The following BBS9 variants were observed in gnomAD, a reference collection of about 807,000 sequenced individuals.
The protein encoded by BBS9 is Bardet-Biedl syndrome 9.
In BBS9, 89 loss-of-function variants were observed where a neutral mutation model predicts 117.7. The observed-to-expected ratio is 0.76, with a 90% CI of 0.64 to 0.90. The LOEUF (loss-of-function observed/expected upper bound fraction) is 0.90, where lower values mean the gene tolerates loss of function less well. Ranked by LOEUF, BBS9 falls within the 40% of genes least tolerant of loss-of-function variation. The pLI is 0.00. For missense variants in BBS9, 982 were observed against 1,042.2 expected, an observed-to-expected ratio of 0.94 and a Z score of 0.80; for synonymous variants, 379 against 370.9, an observed-to-expected ratio of 1.02 and a Z score of -0.25.
intron 5 of BBS9, chr7:33,177,881 T>G (rs1223316754): frequency 2.2e-5 from 7 of 320,728 alleles, no homozygotes. Flanking sequence ...TTGGAAGTCT[T>G]TGATTTTTAT....
chr7:33,470,881 A>G (rs941744627), intron 19 of BBS9, among the ~76,000 whole-genome samples: 2 of 152,122 alleles, frequency 1.3e-5, no homozygotes, highest in Non-Finnish European at 2.9e-5. Context: ...ATAGATGATG[A>G]GTTTTGAGTA....
chr7:33,515,432 G>C (rs566857899), intron 20 of BBS9, among the ~76,000 whole-genome samples: 30 of 152,218 alleles, frequency 2.0e-4, no homozygotes, highest in African/African-American at 6.0e-4. Flanking sequence ...GGCATTTCTT[G>C]GGTGTGCCAC....
Position 33,504,057 on chromosome 7 carries a change from A to G in BBS9, c.2116-1406A>G, listed in dbSNP as rs530567123. Reference sequence around the variant, plus strand: ...CTTCCCACTAATTGGCTGTGTATGTATGTTTTCTTTCCAACAAATTATAAG... The same window carrying G: ...CTTCCCACTAATTGGCTGTGTATGTGTGTTTTCTTTCCAACAAATTATAAG... On this transcript the variant is annotated intron_variant, in intron 19 of 22. Coordinates refer to ENST00000242067, the MANE Select transcript of BBS9 (RefSeq NM_198428.3). Among the ~76,000 whole-genome samples the G allele has an allele frequency of 3.3e-5, 5 of 152,296 alleles. No homozygotes were observed. In the East Asian group the frequency reaches 9.6e-4, roughly 29 times the overall value.
intron 5 of BBS9, among the ~76,000 whole-genome samples, chr7:33,206,708 C>T (rs1043726524): frequency 6.6e-5 from 10 of 152,042 alleles, no homozygotes; most frequent in African/African-American, 1.9e-4. Flanking sequence ...TGATATATAA[C>T]ATTTTTATCT....
At chr7:33,208,373 G>A (rs558272209) in intron 5 of BBS9, among the ~76,000 whole-genome samples, 424 of 152,182 alleles carry the variant, frequency 2.8e-3, no homozygotes, top group Non-Finnish European at 5.1e-3. Flanking sequence ...CTAAGTATTC[G>A]TGTTCCCAGA....
At position 33,171,177 on chromosome 7, in the gene BBS9, G is replaced by A. The variant is rs564512193; in HGVS notation, c.329-6301G>A. On this transcript the variant is annotated intron_variant, in intron 4 of 22. Transcript: ENST00000242067. ...CCCAAGCCAGAAGAACAAAGCTGGAGGCATCACACTACCTGACTTCAAACT... is the reference window on the plus strand; with the variant it reads ...CCCAAGCCAGAAGAACAAAGCTGGAAGCATCACACTACCTGACTTCAAACT... Among the ~76,000 whole-genome samples, 11 of 152,254 alleles carry A rather than the reference G, an allele frequency of 7.2e-5. No homozygotes were observed. The South Asian group carries it at 2.3e-3, about 32-fold the overall frequency.
intron 19 of BBS9, among the ~76,000 whole-genome samples, chr7:33,398,408 G>C (rs1483564693): frequency 6.6e-6 from 1 of 152,132 alleles, no homozygotes; most frequent in Non-Finnish European, 1.5e-5. Context: ...TAACTGAATG[G>C]TATGCTTGAG....
chr7:33,242,452 G>T (rs931493737), intron 5 of BBS9, among the ~76,000 whole-genome samples: 3 of 152,064 alleles, frequency 2.0e-5, no homozygotes, highest in African/African-American at 7.2e-5. Flanking sequence ...GCTTATGGTT[G>T]TCTGATTTAG....
intron 1 of BBS9, among the ~76,000 whole-genome samples, chr7:33,141,084 G>T (rs1170789516): frequency 6.6e-6 from 1 of 151,968 alleles, no homozygotes; most frequent in African/African-American, 2.4e-5. Context: ...TTTTTTCGTA[G>T]AGACTGGGTC....
rs145072208 is a variant in BBS9 at position 33,213,782 on chromosome 7, C to G, written c.442+36191C>G. On this transcript the variant is annotated intron_variant, in intron 5 of 22. Transcript: ENST00000242067. ...TGTGTCTAGAAATGTCATTTGGGAG[C>G]TAGGTCCTGGAATGGGGGCCTCATG... Among the ~76,000 whole-genome samples, 38 of 152,258 alleles carry G rather than the reference C, an allele frequency of 2.5e-4. 1 individual carries two copies. Among genetic ancestry groups the G allele is most frequent in the African/African-American group, 8.7e-4 (36 of 41,546 alleles).
intron 19 of BBS9, among the ~76,000 whole-genome samples, chr7:33,481,901 C>T (rs985539413): frequency 6.6e-6 from 1 of 152,126 alleles, no homozygotes; most frequent in African/African-American, 2.4e-5. Flanking sequence ...AGCCAATTGG[C>T]ATAATTAATA....
intron 19 of BBS9, among the ~76,000 whole-genome samples, chr7:33,479,208 A>G (rs1178949031): frequency 6.6e-6 from 1 of 152,160 alleles, no homozygotes; most frequent in African/African-American, 2.4e-5. Flanking sequence ...GGTAGTGAGC[A>G]TAGTACCCGC....
At chr7:33,195,990 G>A (rs978846541) in intron 5 of BBS9, among the ~76,000 whole-genome samples, 5 of 152,080 alleles carry the variant, frequency 3.3e-5, no homozygotes, top group African/African-American at 1.2e-4. Flanking sequence ...TGTTAGTAAA[G>A]GAAGTGAATG....
chr7:33,349,860 A>G (rs1307884932), intron 13 of BBS9, among the ~76,000 whole-genome samples: 1 of 152,224 alleles, frequency 6.6e-6, no homozygotes, highest in Non-Finnish European at 1.5e-5. Context: ...ATCCAGCTCT[A>G]ACACTCACTT....
At chr7:33,488,061 G>A (rs1843358695) in intron 19 of BBS9, among the ~76,000 whole-genome samples, 1 of 152,176 alleles carries the variant, frequency 6.6e-6, no homozygotes, top group Non-Finnish European at 1.5e-5. Flanking sequence ...GCCAAACTCT[G>A]ATCCCATTTT....
intron 1 of BBS9, among the ~76,000 whole-genome samples, chr7:33,132,209 G>A (rs771402635): frequency 2.6e-5 from 4 of 152,168 alleles, no homozygotes; most frequent in Non-Finnish European, 5.9e-5. Flanking sequence ...TGCATAGGCC[G>A]TTTGTTTAGG....
At chr7:33,558,225 A>G (rs1855574678) in intron 21 of BBS9, among the ~76,000 whole-genome samples, 1 of 152,238 alleles carries the variant, frequency 6.6e-6, no homozygotes, top group African/African-American at 2.4e-5. Flanking sequence ...GGGAAGGGAA[A>G]ACAGTACACA....
chr7:33,514,109 T>C (rs1308188393), intron 20 of BBS9, among the ~76,000 whole-genome samples: 1 of 152,234 alleles, frequency 6.6e-6, no homozygotes, highest in Non-Finnish European at 1.5e-5. Context: ...GCATATCAGT[T>C]GAACAGAATT....
chr7:33,568,426 T>C (rs1857255271), intron 21 of BBS9, among the ~76,000 whole-genome samples: 2 of 152,220 alleles, frequency 1.3e-5, no homozygotes, highest in South Asian at 4.1e-4. Flanking sequence ...ACCCCTATCA[T>C]GGATTTATCC....
Sources: gnomAD v4.1 joint callset for allele counts (sites outside exome capture counted in the v4.1 genomes callset) on GRCh38, gnomAD v4.1.1 for gene constraint, MANE v1.5 for transcripts, NCBI Gene and HGNC (gene_info 2026-07-23, HGNC 2026-07-21) for gene names.